The following AFF3 variants were observed in gnomAD, a reference collection of about 807,000 sequenced individuals.
The protein encoded by AFF3 is AF4/FMR2 family member 3.
AFF3 carries 32 observed loss-of-function variants against 129.7 expected under a neutral mutation model. That is an observed-to-expected ratio of 0.25 (90% CI 0.19 to 0.33). AFF3 has a LOEUF of 0.33. AFF3 is among the 10% of genes least tolerant of loss of function. The probability of loss-of-function intolerance (pLI) is 1.00; values close to 1 mark genes in which losing one functional copy is unlikely to be tolerated. For missense variants in AFF3, 1,373 were observed against 1,592.0 expected, an observed-to-expected ratio of 0.86 and a Z score of 2.34; for synonymous variants, 644 against 635.4, an observed-to-expected ratio of 1.01 and a Z score of -0.20.
intron 11 of AFF3, among the ~76,000 whole-genome samples, chr2:99,707,954 G>T (rs1677558210): frequency 6.6e-6 from 1 of 152,042 alleles, no homozygotes; most frequent in Non-Finnish European, 1.5e-5. Context: ...AAGTCCGGTT[G>T]GTGGACTGGA....
intron 11 of AFF3, among the ~76,000 whole-genome samples, chr2:99,692,450 G>A (rs1460616357): frequency 2.6e-5 from 4 of 152,168 alleles, no homozygotes; most frequent in Non-Finnish European, 4.4e-5. Flanking sequence ...GGAGGCAGGG[G>A]CTATGCTTCA....
intron 11 of AFF3, among the ~76,000 whole-genome samples, chr2:99,704,379 G>A (rs1677164161): frequency 1.3e-5 from 2 of 152,122 alleles, no homozygotes; most frequent in Admixed American, 1.3e-4. Context: ...GTCATCAGTG[G>A]CTGAGCCTCC....
intron 1 of AFF3, among the ~76,000 whole-genome samples, chr2:100,140,510 A>G (rs1692819923): frequency 6.6e-6 from 1 of 152,102 alleles, no homozygotes; most frequent in African/African-American, 2.4e-5. Context: ...CAACGCTGCT[A>G]TTTCCCTGCT....
chr2:100,135,776 G>A lies in AFF3; in HGVS notation c.-227-6470C>T, dbSNP rs74441214. On this transcript the variant is annotated intron_variant, in intron 1 of 24. Coordinates refer to ENST00000672756, the MANE Select transcript of AFF3 (RefSeq NM_001386135.1). ...ATATATTTTGACTTAAGTGTTATAA[G>A]AATTCCTCCAGCTCTGCGCTAAGAA... Among the ~76,000 whole-genome samples, 1,515 of 152,302 alleles carry A rather than the reference G, an allele frequency of 9.9e-3. 64 individuals are homozygous for A. In the South Asian group the frequency reaches 0.12, roughly 12 times the overall value.
chr2:99,904,503 T>C (rs1694571325), intron 7 of AFF3, among the ~76,000 whole-genome samples: 1 of 152,144 alleles, frequency 6.6e-6, no homozygotes, highest in South Asian at 2.1e-4. Context: ...TTCCTCTCAG[T>C]ATCTTGTGAG....
At chr2:99,677,104 T>TA (rs1385088986) in intron 11 of AFF3, among the ~76,000 whole-genome samples, 1 of 151,702 alleles carries the variant, frequency 6.6e-6, no homozygotes, top group Non-Finnish European at 1.5e-5. Context: ...ACTGTCTCTA[T>TA]AAAAAATATA....
chr2:99,581,380 A>G (rs979275395), intron 17 of AFF3, among the ~76,000 whole-genome samples: 5 of 152,180 alleles, frequency 3.3e-5, no homozygotes, highest in South Asian at 2.1e-4. Context: ...TGCACAAAAA[A>G]GGTTCATTTC....
In AFF3 at chr2:99,560,392, G is replaced by A; in HGVS notation, c.3164C>T (p.Pro1055Leu). 1 of 1,614,152 alleles carries A rather than the reference G, an allele frequency of 6.2e-7. No homozygotes were observed. Among genetic ancestry groups the A allele is most frequent in the Non-Finnish European group, 8.5e-7 (1 of 1,179,998 alleles). ...TAATGCAGCCAGTTGTTTGTCTTCT[G>A]GTGTGGCATTGGGGCCTGAGTGGGT... ...LKTHSGPNATPEDKQLAALCY... is the reference protein window; with the variant it reads ...LKTHSGPNATLEDKQLAALCY... The change falls in exon 21 of 25, where the codon CCA (proline) becomes CTA (leucine). Residue 1055 changes from proline (P) to leucine (L), a missense_variant. Pro to Leu is a moderately conservative substitution (Grantham distance 98, BLOSUM62 -3). This residue lies in a region of AFF3 where 165 missense variants were observed against 234.0 expected (regional missense o/e 0.71). Coordinates refer to ENST00000672756, the MANE Select transcript of AFF3 (RefSeq NM_001386135.1).
At chr2:99,762,595 G>C (rs1202487427) in intron 8 of AFF3, among the ~76,000 whole-genome samples, 1 of 152,128 alleles carries the variant, frequency 6.6e-6, no homozygotes, top group African/African-American at 2.4e-5. Context: ...ACAATGGTCA[G>C]AATAATAGGA....
intron 4 of AFF3, among the ~76,000 whole-genome samples, chr2:100,050,096 C>T (rs947053749): frequency 6.6e-6 from 1 of 151,652 alleles, no homozygotes; most frequent in African/African-American, 2.4e-5. Context: ...CCTGTAGTCC[C>T]AGCTACTTAG....
intron 8 of AFF3, among the ~76,000 whole-genome samples, chr2:99,789,576 C>T (rs1685052517): frequency 6.6e-6 from 1 of 152,092 alleles, no homozygotes; most frequent in African/African-American, 2.4e-5. Context: ...CCAGAACTTC[C>T]ACCAGGCCTC....
intron 8 of AFF3, among the ~76,000 whole-genome samples, chr2:99,820,704 CAA>C (rs1229384037): frequency 1.3e-5 from 1 of 79,086 alleles, no homozygotes; most frequent in African/African-American, 3.4e-5. Flanking sequence ...ACACATTGTA[CAA>C]AAAAGTCTAT....
At chr2:100,090,670 CAT>C (rs199722344) in intron 4 of AFF3, among the ~76,000 whole-genome samples, 2 of 150,086 alleles carry the variant, frequency 1.3e-5, no homozygotes, top group African/African-American at 4.9e-5. Flanking sequence ...TACATACATA[CAT>C]ATATATATAT....
chr2:99,766,630 C>A (rs1435441793), intron 8 of AFF3, among the ~76,000 whole-genome samples: 2 of 152,048 alleles, frequency 1.3e-5, no homozygotes, highest in East Asian at 1.9e-4. Flanking sequence ...CATTCCCCCC[C>A]AAAAGTTCAT....
At chr2:99,809,163 T>G (rs888461676) in intron 8 of AFF3, among the ~76,000 whole-genome samples, 1 of 152,220 alleles carries the variant, frequency 6.6e-6, no homozygotes, top group African/African-American at 2.4e-5. Context: ...CTTTAGAATA[T>G]GAAAGAAGTT....
At chr2:99,632,727 G>A (rs1004941651) in intron 13 of AFF3, among the ~76,000 whole-genome samples, 1 of 152,206 alleles carries the variant, frequency 6.6e-6, no homozygotes, top group Non-Finnish European at 1.5e-5. Flanking sequence ...TAATCAAGGT[G>A]GAGACAGTTT....
At chr2:99,989,005 A>G (rs1306645758) in intron 7 of AFF3, among the ~76,000 whole-genome samples, 1 of 152,196 alleles carries the variant, frequency 6.6e-6, no homozygotes, top group East Asian at 1.9e-4. Flanking sequence ...GATAAAATTA[A>G]AAGGAATTCA....
intron 4 of AFF3, among the ~76,000 whole-genome samples, chr2:100,034,664 T>C (rs747944457): frequency 1.3e-5 from 2 of 152,148 alleles, no homozygotes; most frequent in Non-Finnish European, 2.9e-5. Flanking sequence ...AATTACACTT[T>C]ACATAACAAA....
chr2:99,888,173 A>T (rs902795234), intron 7 of AFF3, among the ~76,000 whole-genome samples: 1 of 152,250 alleles, frequency 6.6e-6, no homozygotes, highest in Admixed American at 6.5e-5. Context: ...CTTGGATGGA[A>T]AGGCACAACT....
Sources: gnomAD v4.1 joint callset for allele counts (sites outside exome capture counted in the v4.1 genomes callset) on GRCh38, gnomAD v4.1.1 for gene constraint, gnomAD v4.1.1 regional missense constraint, MANE v1.5 for transcripts, NCBI Gene and HGNC (gene_info 2026-07-23, HGNC 2026-07-21) for gene names.